Variants in SLC25A26 observed in about 807,000 individuals in gnomAD.
SLC25A26 encodes solute carrier family 25 member 26.
A neutral mutation model predicts 37.8 loss-of-function variants in SLC25A26; 36 were observed. The observed-to-expected ratio is 0.95, with a 90% CI of 0.73 to 1.26. The LOEUF (loss-of-function observed/expected upper bound fraction) is 1.26, where lower values mean the gene tolerates loss of function less well. SLC25A26 is among the 50% of genes most tolerant of loss of function. SLC25A26 has a pLI of 0.00. For missense variants in SLC25A26, 390 were observed against 331.1 expected (o/e 1.18, Z -1.38); for synonymous variants, 129 against 122.5 (o/e 1.05, Z -0.35).
At chr3:66,237,894 T>C (rs1322296946) in intron 2 of SLC25A26, among the ~76,000 whole-genome samples, 14 of 152,218 alleles carry the variant, frequency 9.2e-5, no homozygotes, top group Non-Finnish European at 1.5e-5. Context: ...CATTTAAATG[T>C]TCATTCTGTG....
intron 1 of SLC25A26, among the ~76,000 whole-genome samples, chr3:66,229,357 C>T (rs1388225531): frequency 6.6e-6 from 1 of 152,146 alleles, no homozygotes; most frequent in Non-Finnish European, 1.5e-5. Context: ...TTGGCTGGGT[C>T]CCCACCCAAA....
chr3:66,322,355 A>T (rs1196965495), intron 5 of SLC25A26, among the ~76,000 whole-genome samples: 3 of 152,204 alleles, frequency 2.0e-5, no homozygotes, highest in African/African-American at 7.2e-5. Context: ...TTTTCTCATT[A>T]AGCAATGAGA....
intron 6 of SLC25A26, among the ~76,000 whole-genome samples, chr3:66,356,394 G>A (rs978081705): frequency 2.0e-5 from 3 of 152,016 alleles, no homozygotes; most frequent in Non-Finnish European, 4.4e-5. Flanking sequence ...GAATCACTTG[G>A]GAAATTACAA....
At chr3:66,139,388 C>T (rs896307735) in intron 1 of SLC25A26, among the ~76,000 whole-genome samples, 1 of 152,104 alleles carries the variant, frequency 6.6e-6, no homozygotes, top group African/African-American at 2.4e-5. Flanking sequence ...GAAAACAATG[C>T]CTCCAATAAA....
rs116061899 is a variant in SLC25A26, at chr3:66,293,555, G to A, written c.453+30176G>A. On this transcript the variant is annotated intron_variant, in intron 5 of 9. Coordinates refer to ENST00000354883, the MANE Select transcript of SLC25A26 (RefSeq NM_001379210.1). ...TCCCTCCTCCCAGCCTCCACCGTCC[G>A]ATAGGCTGCAGTGTCTCTTATTCCC... is the stretch of plus-strand genomic sequence containing the variant. Among the ~76,000 whole-genome samples the A allele has an allele frequency of 3.4e-3, 508 of 150,812 alleles. 6 individuals are homozygous for A. Among genetic ancestry groups the A allele is most frequent in the African/African-American group, 0.011 (468 of 41,012 alleles).
intron 1 of SLC25A26, among the ~76,000 whole-genome samples, chr3:66,145,970 A>T (rs2070108998): frequency 6.6e-6 from 1 of 152,242 alleles, no homozygotes; most frequent in African/African-American, 2.4e-5. Flanking sequence ...TAAAAACATT[A>T]ACTTTCTATT....
intron 1 of SLC25A26, among the ~76,000 whole-genome samples, chr3:66,134,550 A>G (rs1486463555): frequency 6.6e-6 from 1 of 152,212 alleles, no homozygotes; most frequent in Non-Finnish European, 1.5e-5. Flanking sequence ...TTAAGAAATC[A>G]ACTTCCAAAC....
At chr3:66,376,629 CTT>C (rs1307635364) in intron 9 of SLC25A26, among the ~76,000 whole-genome samples, 2 of 152,192 alleles carry the variant, frequency 1.3e-5, no homozygotes, top group Admixed American at 6.5e-5. Flanking sequence ...AGAAACATAA[CTT>C]TTCTGTGCCC....
chr3:66,234,457 T>G (rs974391879), intron 1 of SLC25A26, among the ~76,000 whole-genome samples: 2 of 152,210 alleles, frequency 1.3e-5, no homozygotes, highest in Non-Finnish European at 2.9e-5. Flanking sequence ...CTCTGTGCCC[T>G]TTTGGGTGAC....
chr3:66,181,004 C>T (rs557458816), intron 1 of SLC25A26, among the ~76,000 whole-genome samples: 3 of 152,284 alleles, frequency 2.0e-5, no homozygotes, highest in African/African-American at 7.2e-5. Flanking sequence ...AAGGAGAGGG[C>T]AGCTGTCTGC....
chr3:66,224,071 A>G (rs146054787), intron 1 of SLC25A26, among the ~76,000 whole-genome samples: 125,559 of 152,146 alleles, frequency 0.83, 52,632 homozygotes, highest in Middle Eastern at 0.92. Flanking sequence ...AATTACATGG[A>G]AAATGCTTAT....
chr3:66,343,420 G>T (rs1332768244), intron 5 of SLC25A26, among the ~76,000 whole-genome samples: 11 of 152,190 alleles, frequency 7.2e-5, no homozygotes, highest in Non-Finnish European at 1.3e-4. Context: ...TAGACTGTCA[G>T]TCTTGTTTTA....
chr3:66,261,249 A>G (rs1352776324), intron 3 of SLC25A26, among the ~76,000 whole-genome samples: 1 of 152,190 alleles, frequency 6.6e-6, no homozygotes, highest in Non-Finnish European at 1.5e-5. Flanking sequence ...TAAAATGTTT[A>G]AAATATTTTT....
chr3:66,246,775 GTTGGCTTCAGAC>G (rs1235789368), intron 3 of SLC25A26, among the ~76,000 whole-genome samples: 1 of 152,164 alleles, frequency 6.6e-6, no homozygotes, highest in African/African-American at 2.4e-5. Context: ...ATTTGCCCAT[GTTGGCTTCAGAC>G]TCTTGGCCTC....
chr3:66,282,252 C>G (rs192954698), intron 5 of SLC25A26, among the ~76,000 whole-genome samples: 258 of 151,822 alleles, frequency 1.7e-3, no homozygotes, highest in Non-Finnish European at 2.8e-3. Context: ...ACCTCATGAT[C>G]CACCCGCCTC....
intron 5 of SLC25A26, among the ~76,000 whole-genome samples, chr3:66,312,827 C>T (rs1163632996): frequency 4.6e-5 from 7 of 152,146 alleles, no homozygotes; most frequent in Non-Finnish European, 1.0e-4. Context: ...CTGTGGGCTG[C>T]ACCCACTGTC....
chr3:66,306,720 T>C (rs887643999), intron 5 of SLC25A26, among the ~76,000 whole-genome samples: 1 of 152,204 alleles, frequency 6.6e-6, no homozygotes, highest in African/African-American at 2.4e-5. Context: ...TGTGTTCTCA[T>C]TGTTCACCTC....
intron 1 of SLC25A26, among the ~76,000 whole-genome samples, chr3:66,207,916 T>G (rs2071201767): frequency 6.6e-6 from 1 of 152,168 alleles, no homozygotes; most frequent in Non-Finnish European, 1.5e-5. Flanking sequence ...ATCAGCAAGA[T>G]AGAGGTAGCA....
intron 1 of SLC25A26, among the ~76,000 whole-genome samples, chr3:66,223,565 T>G (rs1553659465): frequency 1.3e-5 from 2 of 152,104 alleles, no homozygotes; most frequent in Non-Finnish European, 2.9e-5. Context: ...CCTGAGGGAG[T>G]TTGGTTTTGC....
Sources: gnomAD v4.1 joint callset for allele counts (sites outside exome capture counted in the v4.1 genomes callset) on GRCh38, gnomAD v4.1.1 for gene constraint, MANE v1.5 for transcripts, NCBI Gene and HGNC (gene_info 2026-07-23, HGNC 2026-07-21) for gene names.